The following FNDC3A variants were observed in gnomAD, a reference collection of about 807,000 sequenced individuals.
The protein encoded by FNDC3A is fibronectin type-III domain-containing protein 3A.
A neutral mutation model predicts 148.9 loss-of-function variants in FNDC3A; 32 were observed. The observed-to-expected ratio is 0.21, with a 90% CI of 0.16 to 0.29. The LOEUF (loss-of-function observed/expected upper bound fraction) is 0.29. FNDC3A is among the 10% of genes least tolerant of loss of function. The pLI is 1.00. For synonymous variants in FNDC3A, 472 were observed against 473.6 expected (o/e 1.00, Z 0.04); for missense variants, 1,191 against 1,452.8 (o/e 0.82, Z 2.93).
At chr13:49,109,616 T>C (rs538036916) in intron 3 of FNDC3A, among the ~76,000 whole-genome samples, 4 of 152,216 alleles carry the variant, frequency 2.6e-5, no homozygotes, top group Non-Finnish European at 5.9e-5. Context: ...CTCTACTTGT[T>C]CTTGGATAGA....
chr13:49,050,510 T>G (rs1365467106), intron 2 of FNDC3A, among the ~76,000 whole-genome samples: 2 of 152,238 alleles, frequency 1.3e-5, no homozygotes, highest in Non-Finnish European at 2.9e-5. Flanking sequence ...AGAGAGTACT[T>G]GGTATAATTT....
chr13:49,010,839 T>C (rs1328877513), intron 2 of FNDC3A, among the ~76,000 whole-genome samples: 1 of 152,226 alleles, frequency 6.6e-6, no homozygotes, highest in Non-Finnish European at 1.5e-5. Context: ...TATATATACT[T>C]CACTATACAA....
intron 4 of FNDC3A, among the ~76,000 whole-genome samples, chr13:49,122,387 A>G (rs1422840179): frequency 6.6e-6 from 1 of 152,218 alleles, no homozygotes; most frequent in Non-Finnish European, 1.5e-5. Flanking sequence ...CCCACAGCCA[A>G]TATCATACTG....
intron 3 of FNDC3A, among the ~76,000 whole-genome samples, chr13:49,091,670 C>T (rs1879199894): frequency 6.6e-6 from 1 of 152,214 alleles, no homozygotes; most frequent in Non-Finnish European, 1.5e-5. Flanking sequence ...GAACCAGGCC[C>T]TATCTTCTCT....
intron 4 of FNDC3A, among the ~76,000 whole-genome samples, chr13:49,116,806 T>C (rs184973893): frequency 6.4e-4 from 96 of 148,926 alleles, no homozygotes; most frequent in African/African-American, 2.0e-3. Context: ...AAAAATCCTA[T>C]AATGTGTTAG....
intron 2 of FNDC3A, among the ~76,000 whole-genome samples, chr13:49,070,015 A>C (rs1430381494): frequency 1.3e-5 from 2 of 152,224 alleles, no homozygotes; most frequent in African/African-American, 2.4e-5. Context: ...ATAAGCAATT[A>C]AGTTATATAA....
intron 1 of FNDC3A, among the ~76,000 whole-genome samples, chr13:48,998,789 C>T (rs189149516): frequency 1.7e-3 from 263 of 152,180 alleles, no homozygotes; most frequent in African/African-American, 6.1e-3. Flanking sequence ...GCTGGCTGAC[C>T]GTTTGCTAAG....
At chr13:49,191,964 A>G (rs888733233) in intron 19 of FNDC3A, among the ~76,000 whole-genome samples, 1 of 152,196 alleles carries the variant, frequency 6.6e-6, no homozygotes, top group African/African-American at 2.4e-5. Flanking sequence ...GGGTTCAGGA[A>G]AGCTAAATAT....
chr13:49,102,662 T>C (rs755473622), intron 3 of FNDC3A, among the ~76,000 whole-genome samples: 12 of 152,212 alleles, frequency 7.9e-5, no homozygotes, highest in Non-Finnish European at 1.6e-4. Context: ...GTATTTTTTG[T>C]TCCCTAAAGA....
intron 2 of FNDC3A, among the ~76,000 whole-genome samples, chr13:49,018,214 TTC>T: frequency 6.6e-6 from 1 of 152,190 alleles, no homozygotes; most frequent in Non-Finnish European, 1.5e-5. Context: ...CTTGGTTCTA[TTC>T]TCCCCGTCAC....
intron 16 of FNDC3A, chr13:49,187,742 T>A: frequency 9.0e-6 from 7 of 775,354 alleles, no homozygotes; most frequent in Non-Finnish European, 1.2e-5. Context: ...CACCAAGACC[T>A]TTTTTTTTTC....
chr13:49,153,778 C>T (rs1883472851), intron 8 of FNDC3A, among the ~76,000 whole-genome samples: 1 of 125,596 alleles, frequency 8.0e-6, no homozygotes, highest in African/African-American at 3.1e-5. Flanking sequence ...AATAGGGAAT[C>T]CTTTCCCCAT....
At chr13:49,061,235 A>G (rs975142659) in intron 2 of FNDC3A, among the ~76,000 whole-genome samples, 1 of 151,300 alleles carries the variant, frequency 6.6e-6, no homozygotes, top group Non-Finnish European at 1.5e-5. Flanking sequence ...CCAGCCTCCT[A>G]AGTAGCTGAG....
intron 5 of FNDC3A, among the ~76,000 whole-genome samples, chr13:49,133,359 C>G (rs555048177): frequency 1.4e-4 from 22 of 152,260 alleles, no homozygotes; most frequent in African/African-American, 4.6e-4. Context: ...ACAATTATTA[C>G]TATTTTGCAT....
chr13:49,115,265 C>T (rs1247864422), intron 4 of FNDC3A, among the ~76,000 whole-genome samples: 3 of 151,614 alleles, frequency 2.0e-5, no homozygotes, highest in Non-Finnish European at 2.9e-5. Flanking sequence ...GAAGCTCTGA[C>T]CTTAAGTATA....
chr13:48,981,449 A>G (rs1245949098), intron 1 of FNDC3A, among the ~76,000 whole-genome samples: 2 of 151,946 alleles, frequency 1.3e-5, no homozygotes, highest in East Asian at 1.9e-4. Flanking sequence ...AAGTGCTTAC[A>G]TTAATGCTAC....
At chr13:49,079,090 A>G (rs928965992) in intron 3 of FNDC3A, among the ~76,000 whole-genome samples, 4 of 152,250 alleles carry the variant, frequency 2.6e-5, no homozygotes, top group African/African-American at 9.6e-5. Flanking sequence ...AACTTTAGAC[A>G]TCTAAATAAT....
intron 25 of FNDC3A, among the ~76,000 whole-genome samples, chr13:49,206,690 A>G (rs947747889): frequency 5.9e-5 from 9 of 152,238 alleles, no homozygotes; most frequent in African/African-American, 2.2e-4. Context: ...TCAGTTATAC[A>G]AAGACATAAT....
At chr13:49,015,637 T>C (rs886512101) in intron 2 of FNDC3A, among the ~76,000 whole-genome samples, 10 of 152,204 alleles carry the variant, frequency 6.6e-5, no homozygotes, top group South Asian at 2.1e-4. Flanking sequence ...CAACACTATG[T>C]TGAATAGGAG....
Sources: gnomAD v4.1 joint callset for allele counts (sites outside exome capture counted in the v4.1 genomes callset) on GRCh38, gnomAD v4.1.1 for gene constraint, MANE v1.5 for transcripts, NCBI Gene and HGNC (gene_info 2026-07-23, HGNC 2026-07-21) for gene names.